Variants in MACC1 observed in about 807,000 individuals in gnomAD.
MACC1 encodes metastasis-associated in colon cancer protein 1.
A neutral mutation model predicts 70.7 loss-of-function variants in MACC1; 79 were observed. The observed-to-expected ratio is 1.12, with a 90% CI of 0.93 to 1.35. MACC1 has a LOEUF of 1.35. MACC1 is among the 40% of genes most tolerant of loss of function. The pLI, the probability that MACC1 is intolerant of heterozygous loss-of-function variation, is 0.00. For synonymous variants in MACC1, 361 were observed against 347.2 expected, an observed-to-expected ratio of 1.04 and a Z score of -0.44; for missense variants, 1,106 against 978.1, an observed-to-expected ratio of 1.13 and a Z score of -1.74.
rs1781724623 is a variant in MACC1 at position 20,136,845 on chromosome 7, TTAA to T, written c.*4098_*4100del. The T allele has an allele frequency of 6.7e-6, 1 of 149,150 alleles. No individual in the cohort carries two copies. The allele number at this position is 149,150 out of a possible 1,614,324, so 9.2% of individuals were successfully genotyped here. On this transcript the variant is annotated 3_prime_UTR_variant, in exon 7 of 7. Transcript: ENST00000400331. ...TAAAGATTAAGATTATTATTAATTA[TTAA>T]TTGTAATTATTAATTCTTAAAGATT...
intron 6 of MACC1, among the ~76,000 whole-genome samples, chr7:20,151,095 C>T (rs541002726): frequency 6.6e-6 from 1 of 151,454 alleles, no homozygotes; most frequent in South Asian, 2.1e-4. Context: ...CTTTAGTGTC[C>T]TTGGTGAATA....
chr7:20,186,882 G>A (rs961661099), intron 1 of MACC1, among the ~76,000 whole-genome samples: 1 of 152,168 alleles, frequency 6.6e-6, no homozygotes, highest in Non-Finnish European at 1.5e-5. Flanking sequence ...GTATTTAACA[G>A]CATAACGTAT....
rs1409606135 is a variant in MACC1 at position 20,154,213 on chromosome 7, T to A, written c.2326A>T (p.Thr776Ser). Residue 776 changes from threonine (T) to serine (S), a missense_variant, in exon 6 of 7, where the codon ACT (threonine) becomes TCT (serine). Transcript: ENST00000400331. Reference sequence around the variant, plus strand: ...CTTACCTCAACAGCAACATCTCCAGTGTTTCCTCGATGAGGAATTTCATAT... The same window carrying A: ...CTTACCTCAACAGCAACATCTCCAGAGTTTCCTCGATGAGGAATTTCATAT... ...EAYEIPHRGN[T>S]GDVAVEMMWK... 1.2e-6 allele frequency: 2 copies of A among 1,613,842 alleles called. No individual in the cohort carries two copies. The highest frequency in any genetic ancestry group is 2.7e-5 in the African/African-American group (2 of 74,912).
intron 1 of MACC1, among the ~76,000 whole-genome samples, chr7:20,186,447 G>A (rs1490753883): frequency 6.6e-6 from 1 of 151,734 alleles, no homozygotes; most frequent in South Asian, 2.1e-4. Flanking sequence ...TATGGCTTTT[G>A]TCATAATAGG....
chr7:20,149,772 C>T (rs977468802), intron 6 of MACC1, among the ~76,000 whole-genome samples: 2 of 152,190 alleles, frequency 1.3e-5, no homozygotes, highest in African/African-American at 4.8e-5. Flanking sequence ...TCTCCAATTA[C>T]TCAAAGGCCA....
chr7:20,215,839 A>G (rs1265990785), intron 1 of MACC1, among the ~76,000 whole-genome samples: 2 of 152,196 alleles, frequency 1.3e-5, no homozygotes, highest in Non-Finnish European at 2.9e-5. Flanking sequence ...AGTTTTTATT[A>G]TCTCTAAAAC....
At chr7:20,212,996 C>T (rs1471502050) in intron 1 of MACC1, among the ~76,000 whole-genome samples, 1 of 152,122 alleles carries the variant, frequency 6.6e-6, no homozygotes, top group Non-Finnish European at 1.5e-5. Flanking sequence ...GTCATGTTTT[C>T]GTAGAGCAGC....
chr7:20,149,778 G>C (rs1781947737), intron 6 of MACC1, among the ~76,000 whole-genome samples: 1 of 151,992 alleles, frequency 6.6e-6, no homozygotes, highest in African/African-American at 2.4e-5. Context: ...ATTACTCAAA[G>C]GCCACCCATC....
In MACC1 at chr7:20,146,695, A is replaced by G. The variant is rs146984215; in HGVS notation, c.2347-5537T>C. On this transcript the variant is annotated intron_variant, in intron 6 of 6. Coordinates refer to ENST00000400331, the MANE Select transcript of MACC1 (RefSeq NM_182762.4). ...AGTTGTTCCTCTCTTGCTCAATGTTATGATTAGAAAAGATATGCAGAAACT... is the reference window on the plus strand; with the variant it reads ...AGTTGTTCCTCTCTTGCTCAATGTTGTGATTAGAAAAGATATGCAGAAACT... Among the ~76,000 whole-genome samples the G allele has an allele frequency of 9.8e-3, 1,496 of 152,258 alleles. 22 individuals carry two copies. The highest frequency in any genetic ancestry group is 0.035 in the African/African-American group (1,436 of 41,542).
intron 1 of MACC1, among the ~76,000 whole-genome samples, chr7:20,184,544 A>T (rs1201088406): frequency 6.6e-6 from 1 of 152,242 alleles, no homozygotes. Flanking sequence ...AATTGTTATA[A>T]ATTTTCAACC....
chr7:20,204,409 C>T lies in MACC1; in HGVS notation c.-218+12890G>A, dbSNP rs1304254930. On this transcript the variant is annotated intron_variant, in intron 1 of 6. Coordinates refer to ENST00000400331, the MANE Select transcript of MACC1 (RefSeq NM_182762.4). ...GACCTCATGATCCACCCGCCTTGGC[C>T]TCCCAAACTGCTGGATTATACGCAT... Among the ~76,000 whole-genome samples, 3 of 152,176 alleles carry T rather than the reference C, an allele frequency of 2.0e-5. No individual in the cohort carries two copies. The East Asian group carries it at 5.8e-4, about 29-fold the overall frequency.
intron 1 of MACC1, among the ~76,000 whole-genome samples, chr7:20,176,871 T>C (rs769237793): frequency 1.3e-5 from 2 of 152,144 alleles, no homozygotes; most frequent in Admixed American, 6.6e-5. Context: ...GATAAAATTA[T>C]AGTGATGGCG....
In MACC1 at chr7:20,194,298, G is replaced by A. The variant is rs187499074; in HGVS notation, c.-218+23001C>T. On this transcript the variant is annotated intron_variant, in intron 1 of 6. Coordinates refer to ENST00000400331, the MANE Select transcript of MACC1 (RefSeq NM_182762.4). ...TAAAAAGAAAAGAATTAAAAGGAAA[G>A]CCAGGTTCTGACACAGAGATCAGTG... 7.9e-5 allele frequency among the ~76,000 whole-genome samples: 12 copies of A among 152,256 alleles called. No homozygotes were observed. In the East Asian group the frequency reaches 2.3e-3, roughly 29 times the overall value.
At chr7:20,212,161 C>A (rs892374014) in intron 1 of MACC1, among the ~76,000 whole-genome samples, 1 of 152,132 alleles carries the variant, frequency 6.6e-6, no homozygotes, top group Middle Eastern at 3.2e-3. Flanking sequence ...ACTTTTTTAT[C>A]TTTAATATTT....
chr7:20,183,888 A>G (rs917883550), intron 1 of MACC1, among the ~76,000 whole-genome samples: 2 of 151,962 alleles, frequency 1.3e-5, no homozygotes, highest in African/African-American at 4.8e-5. Context: ...TTGTATTTTT[A>G]GTAGAGACAG....
chr7:20,176,022 T>C (rs949473385), intron 1 of MACC1, among the ~76,000 whole-genome samples: 1 of 152,118 alleles, frequency 6.6e-6, no homozygotes, highest in Non-Finnish European at 1.5e-5. Flanking sequence ...CTTGAGCCTC[T>C]GTTTATGCTG....
intron 1 of MACC1, among the ~76,000 whole-genome samples, chr7:20,187,310 A>C (rs539276984): frequency 6.6e-5 from 10 of 152,344 alleles, no homozygotes; most frequent in Non-Finnish European, 8.8e-5. Context: ...TTAATGAAAA[A>C]CAGAGTGAAG....
chr7:20,159,118 C>A lies in MACC1; in HGVS notation c.1243G>T (p.Val415Phe). The change falls in exon 5 of 7, where the codon GTT becomes TTT. Residue 415 changes from valine to phenylalanine, a missense_variant. Transcript: ENST00000400331. ...TGCTTCCCCCAGAGCTGAAACACAA[C>A]TGGAGATATGTTTTTTCCACCCTTC... ...IKKGGKNISPVVFQLWGKQSF... is the reference protein window; with the variant it reads ...IKKGGKNISPFVFQLWGKQSF... The A allele has an allele frequency of 6.2e-7, 1 of 1,613,688 alleles. No homozygotes were observed. The highest frequency in any genetic ancestry group is 8.5e-7 in the Non-Finnish European group (1 of 1,179,958).
chr7:20,199,480 A>G (rs1264516662), intron 1 of MACC1, among the ~76,000 whole-genome samples: 1 of 152,244 alleles, frequency 6.6e-6, no homozygotes, highest in Non-Finnish European at 1.5e-5. Context: ...GCTTGCCTTG[A>G]TTGGCAGAAT....
Sources: gnomAD v4.1 joint callset for allele counts (sites outside exome capture counted in the v4.1 genomes callset) on GRCh38, gnomAD v4.1.1 for gene constraint, MANE v1.5 for transcripts, NCBI Gene and HGNC (gene_info 2026-07-23, HGNC 2026-07-21) for gene names.